The following SNX2 variants were observed in gnomAD, a reference collection of about 807,000 sequenced individuals.
SNX2 encodes the protein sorting nexin-2.
A neutral mutation model predicts 69.9 loss-of-function variants in SNX2; 25 were observed. The observed-to-expected ratio is 0.36, with a 90% CI of 0.26 to 0.50. The LOEUF (loss-of-function observed/expected upper bound fraction) is 0.50. Ranked by LOEUF, SNX2 falls within the 20% of genes least tolerant of loss-of-function variation. SNX2 has a pLI of 0.97. For synonymous variants in SNX2, 229 were observed against 200.4 expected (o/e 1.14, Z -1.20); for missense variants, 551 against 613.3 (o/e 0.90, Z 1.07).
intron 6 of SNX2, among the ~76,000 whole-genome samples, chr5:122,804,075 G>A (rs1753576713): frequency 6.6e-6 from 1 of 151,944 alleles, no homozygotes; most frequent in Non-Finnish European, 1.5e-5. Flanking sequence ...GAAGGCGGAG[G>A]TTGCAGTGAG....
intron 3 of SNX2, 34 bp downstream of exon 3, chr5:122,799,889 A>C: frequency 6.5e-7 from 1 of 1,528,402 alleles, no homozygotes; most frequent in Non-Finnish European, 8.9e-7. Context: ...TAATATGTAA[A>C]TATATACCTT....
intron 7 of SNX2, among the ~76,000 whole-genome samples, chr5:122,812,287 C>G (rs901833649): frequency 1.3e-5 from 2 of 152,208 alleles, no homozygotes; most frequent in African/African-American, 4.8e-5. Context: ...ACGCCTCACT[C>G]TGTTACCCAT....
intron 1 of SNX2, among the ~76,000 whole-genome samples, chr5:122,776,887 G>A (rs185484427): frequency 6.6e-6 from 1 of 152,174 alleles, no homozygotes; most frequent in Non-Finnish European, 1.5e-5. Context: ...AGTCTGCAAA[G>A]TTTGATCATG....
intron 1 of SNX2, among the ~76,000 whole-genome samples, chr5:122,793,524 C>T (rs564693641): frequency 6.6e-6 from 1 of 152,244 alleles, no homozygotes; most frequent in South Asian, 2.1e-4. Context: ...AGTGCATTTG[C>T]ATAGGTATGT....
At position 122,833,021 on chromosome 5, in the gene SNX2, A is replaced by G. The variant is rs1754327241; in HGVS notation, c.*3373A>G. On this transcript the variant is annotated 3_prime_UTR_variant, in exon 15 of 15. Transcript: ENST00000379516. Reference sequence around the variant, plus strand: ...GGGACTTTGGAGGCATTTTCATATCATATTCACTAGTCAAGAAACGTGTAG... The same window carrying G: ...GGGACTTTGGAGGCATTTTCATATCGTATTCACTAGTCAAGAAACGTGTAG... The G allele has an allele frequency of 6.6e-6, 1 of 152,204 alleles. No homozygotes were observed. The highest frequency in any genetic ancestry group is 2.4e-5 in the African/African-American group (1 of 41,440). 9.4% of individuals were successfully genotyped at this position (152,204 alleles called of 1,614,324 possible).
chr5:122,825,997 A>G (rs1034752157), intron 11 of SNX2, 53 bp from the exon 12 acceptor site: 11 of 1,526,932 alleles, frequency 7.2e-6, no homozygotes, highest in African/African-American at 2.7e-5. Flanking sequence ...TAGTGTTAAG[A>G]AAGTATTTTA....
Position 122,795,163 on chromosome 5 carries a change from T to G in SNX2, c.109-103T>G. ...ATAAATAGCTGTTCTTGTTCTTTCC[T>G]CCATTCTTTTCAAGAGAATGTTCTA... On this transcript the variant is annotated intron_variant, in intron 1 of 14. Transcript: ENST00000379516. 5.5e-6 allele frequency: 4 copies of G among 724,892 alleles called. No homozygotes were observed. In the South Asian group the frequency reaches 7.5e-5, roughly 14 times the overall value. 44.9% of individuals were successfully genotyped at this position (724,892 alleles called of 1,614,324 possible). A position where few individuals can be genotyped will look rare whatever the true frequency, so the allele number is the denominator to read the frequency against.
chr5:122,825,459 C>G (rs1754130489), intron 11 of SNX2, among the ~76,000 whole-genome samples: 1 of 151,966 alleles, frequency 6.6e-6, no homozygotes, highest in Non-Finnish European at 1.5e-5. Flanking sequence ...TTCTTTAGTT[C>G]TGCAGTGTAT....
intron 11 of SNX2, among the ~76,000 whole-genome samples, chr5:122,825,217 G>A (rs1284659526): frequency 6.6e-6 from 1 of 152,096 alleles, no homozygotes; most frequent in African/African-American, 2.4e-5. Flanking sequence ...CTTCATGAAT[G>A]TTTGATTAGT....
At chr5:122,818,479 T>C (rs539289324) in intron 10 of SNX2, among the ~76,000 whole-genome samples, 1 of 152,316 alleles carries the variant, frequency 6.6e-6, no homozygotes, top group East Asian at 1.9e-4. Context: ...CCAGTTCTTC[T>C]CATATTAAAA....
At chr5:122,792,878 C>T (rs760836722) in intron 1 of SNX2, among the ~76,000 whole-genome samples, 1 of 152,102 alleles carries the variant, frequency 6.6e-6, no homozygotes, top group Non-Finnish European at 1.5e-5. Flanking sequence ...TGAAAAATTG[C>T]TCACCATCAT....
In SNX2 at chr5:122,803,000, T is replaced by C. The variant is rs1040361864; in HGVS notation, c.502-472T>C. On this transcript the variant is annotated intron_variant, in intron 5 of 14. Coordinates refer to ENST00000379516, the MANE Select transcript of SNX2 (RefSeq NM_003100.4). ...CAGTTGTTAATTCATTGGATAAATATTCATTAAACACCTACCATGGTGTCA... is the reference window on the plus strand; with the variant it reads ...CAGTTGTTAATTCATTGGATAAATACTCATTAAACACCTACCATGGTGTCA... 2.5e-4 allele frequency among the ~76,000 whole-genome samples: 38 copies of C among 152,286 alleles called. 2 individuals carry two copies. The highest frequency in any genetic ancestry group is 8.8e-5 in the Non-Finnish European group (6 of 68,010).
chr5:122,807,070 G>C (rs1456153897), intron 6 of SNX2, among the ~76,000 whole-genome samples: 1 of 152,082 alleles, frequency 6.6e-6, no homozygotes, highest in Non-Finnish European at 1.5e-5. Flanking sequence ...TGGATTGCTT[G>C]AGCTCAGGGG....
chr5:122,792,470 G>T (rs1753264522), intron 1 of SNX2, among the ~76,000 whole-genome samples: 1 of 152,078 alleles, frequency 6.6e-6, no homozygotes, highest in Non-Finnish European at 1.5e-5. Flanking sequence ...GGTGGCGGGT[G>T]CCTGTGGTCC....
intron 11 of SNX2, among the ~76,000 whole-genome samples, chr5:122,822,743 T>C (rs1484462179): frequency 6.6e-6 from 1 of 152,228 alleles, no homozygotes; most frequent in Non-Finnish European, 1.5e-5. Flanking sequence ...AGCATTGTCA[T>C]GTATTGGGCT....
intron 1 of SNX2, chr5:122,775,870 G>GTT: frequency 1.4e-6 from 1 of 724,416 alleles, no homozygotes; most frequent in South Asian, 6.2e-5. Flanking sequence ...GGAAACTGCT[G>GTT]TTGTGTGTGT....
At chr5:122,813,726 A>T (rs2150013146) in intron 7 of SNX2, among the ~76,000 whole-genome samples, 1 of 151,526 alleles carries the variant, frequency 6.6e-6, no homozygotes, top group East Asian at 1.9e-4. Flanking sequence ...TATAAATTAT[A>T]CAAGGTATTT....
At position 122,832,841 on chromosome 5, in the gene SNX2, A is replaced by G. The variant is rs545783423; in HGVS notation, c.*3193A>G. Reference sequence around the variant, plus strand: ...TCTTGTCATGGCTCCCTGCATGGGCAGTCATGTTAACAAGAGTCAGGGAGA... The same window carrying G: ...TCTTGTCATGGCTCCCTGCATGGGCGGTCATGTTAACAAGAGTCAGGGAGA... On this transcript the variant is annotated 3_prime_UTR_variant, in exon 15 of 15. Coordinates refer to ENST00000379516, the MANE Select transcript of SNX2 (RefSeq NM_003100.4). The G allele has an allele frequency of 9.2e-5, 14 of 152,316 alleles. No individual in the cohort carries two copies. The East Asian group carries it at 2.7e-3, about 29-fold the overall frequency. The allele number at this position is 152,316 out of a possible 1,614,324, so 9.4% of individuals were successfully genotyped here.
At chr5:122,778,489 T>C (rs1193709134) in intron 1 of SNX2, among the ~76,000 whole-genome samples, 1 of 152,056 alleles carries the variant, frequency 6.6e-6, no homozygotes, top group Non-Finnish European at 1.5e-5. Flanking sequence ...GCATTTGTTA[T>C]TTTTTGACTT....
Sources: gnomAD v4.1 joint callset for allele counts (sites outside exome capture counted in the v4.1 genomes callset) on GRCh38, gnomAD v4.1.1 for gene constraint, MANE v1.5 for transcripts, NCBI Gene and HGNC (gene_info 2026-07-23, HGNC 2026-07-21) for gene names.